The following KCNN2 variants were observed in gnomAD, a reference collection of about 807,000 sequenced individuals.
KCNN2 encodes potassium calcium-activated channel subfamily N member 2.
A neutral mutation model predicts 55.5 loss-of-function variants in KCNN2; 24 were observed. That is an observed-to-expected ratio of 0.43 (90% CI 0.31 to 0.61). The LOEUF (loss-of-function observed/expected upper bound fraction) is 0.61. Ranked by LOEUF, KCNN2 falls within the 20% of genes least tolerant of loss-of-function variation. KCNN2 has a pLI of 0.08. For synonymous variants in KCNN2, 431 were observed against 336.1 expected (o/e 1.28, Z -3.09); for missense variants, 754 against 853.6 (o/e 0.88, Z 1.45).
chr5:114,341,681 A>G (rs922144429), intron 2 of KCNN2, among the ~76,000 whole-genome samples: 14 of 152,194 alleles, frequency 9.2e-5, no homozygotes, highest in African/African-American at 3.4e-4. Flanking sequence ...TATGAAAAAT[A>G]AAAAAGACAT....
chr5:114,077,224 A>T (rs1750701490), intron 1 of KCNN2, among the ~76,000 whole-genome samples: 1 of 152,218 alleles, frequency 6.6e-6, no homozygotes, highest in African/African-American at 2.4e-5. Context: ...ACAGAGTTGT[A>T]AGCAGTTGGA....
chr5:114,272,039 G>C (rs1755349017), intron 2 of KCNN2, among the ~76,000 whole-genome samples: 1 of 152,054 alleles, frequency 6.6e-6, no homozygotes, highest in Non-Finnish European at 1.5e-5. Context: ...TTGTGCTTTT[G>C]AATAAAAATA....
At chr5:114,102,413 T>G (rs1426440980) in intron 1 of KCNN2, among the ~76,000 whole-genome samples, 1 of 152,216 alleles carries the variant, frequency 6.6e-6, no homozygotes, top group Non-Finnish European at 1.5e-5. Flanking sequence ...GATAGTTTCT[T>G]TTGCTGTGCA....
intron 1 of KCNN2, among the ~76,000 whole-genome samples, chr5:114,067,170 C>A (rs1389611354): frequency 6.6e-6 from 1 of 152,102 alleles, no homozygotes; most frequent in African/African-American, 2.4e-5. Flanking sequence ...CCACAGGGAC[C>A]AGATAATTGG....
chr5:114,194,448 A>C (rs559778763), intron 1 of KCNN2, among the ~76,000 whole-genome samples: 67 of 152,204 alleles, frequency 4.4e-4, no homozygotes, highest in African/African-American at 1.6e-3. Flanking sequence ...TCTGATGGCT[A>C]ATGATGTTGA....
At chr5:114,455,741 A>T (rs1191849155) in intron 3 of KCNN2, among the ~76,000 whole-genome samples, 1 of 152,244 alleles carries the variant, frequency 6.6e-6, no homozygotes, top group Non-Finnish European at 1.5e-5. Flanking sequence ...TGAACACATG[A>T]ATAATAGGAA....
chr5:114,125,533 T>TA (rs145698131), intron 1 of KCNN2, among the ~76,000 whole-genome samples: 26 of 152,138 alleles, frequency 1.7e-4, no homozygotes, highest in African/African-American at 5.1e-4. Flanking sequence ...TACAACTTCC[T>TA]AAAAAAAATC....
chr5:114,488,652 C>A (rs929306241), intron 6 of KCNN2, among the ~76,000 whole-genome samples: 1 of 152,094 alleles, frequency 6.6e-6, no homozygotes, highest in Non-Finnish European at 1.5e-5. Flanking sequence ...GCTGAGCTTT[C>A]GCCTCTGTGT....
At chr5:114,144,491 C>A (rs774072209) in intron 1 of KCNN2, among the ~76,000 whole-genome samples, 58 of 152,204 alleles carry the variant, frequency 3.8e-4, no homozygotes, top group Middle Eastern at 6.8e-3. Flanking sequence ...AAATAGTTTA[C>A]TCCTTTTAAG....
At chr5:114,192,860 C>T (rs994591727) in intron 1 of KCNN2, among the ~76,000 whole-genome samples, 38 of 152,048 alleles carry the variant, frequency 2.5e-4, no homozygotes, top group African/African-American at 9.2e-4. Flanking sequence ...TACTCTTTGC[C>T]CCCAGCCTTC....
intron 3 of KCNN2, among the ~76,000 whole-genome samples, chr5:114,409,978 A>G (rs752250739): frequency 6.6e-6 from 1 of 152,142 alleles, no homozygotes; most frequent in Non-Finnish European, 1.5e-5. Flanking sequence ...TCCCCAGACC[A>G]GACCACAGTA....
chr5:114,184,412 A>G (rs1483930373), intron 1 of KCNN2, among the ~76,000 whole-genome samples: 1 of 152,216 alleles, frequency 6.6e-6, no homozygotes, highest in Non-Finnish European at 1.5e-5. Context: ...AAAGATATGT[A>G]GAAAGAAAAA....
At chr5:114,088,310 A>C (rs965903683) in intron 1 of KCNN2, among the ~76,000 whole-genome samples, 88 of 150,588 alleles carry the variant, frequency 5.8e-4, no homozygotes, top group African/African-American at 2.1e-3. Flanking sequence ...TTTTTTCATC[A>C]TTTATTCTCA....
chr5:114,135,799 TAAG>T (rs1226100419), intron 1 of KCNN2, among the ~76,000 whole-genome samples: 5 of 152,116 alleles, frequency 3.3e-5, no homozygotes, highest in Non-Finnish European at 5.9e-5. Context: ...TTCTCAGAGA[TAAG>T]AAAAAATACT....
chr5:114,226,781 G>A (rs2112598721), intron 2 of KCNN2, among the ~76,000 whole-genome samples: 1 of 151,648 alleles, frequency 6.6e-6, no homozygotes, highest in South Asian at 2.1e-4. Context: ...GGCACCTGTA[G>A]TCCCAGCTAC....
chr5:114,184,157 C>T (rs74460701), intron 1 of KCNN2, among the ~76,000 whole-genome samples: 4,767 of 152,132 alleles, frequency 0.031, 254 homozygotes, highest in African/African-American at 0.11. Context: ...CTGTGAAAGG[C>T]GAAGAGCACA....
chr5:114,164,693 A>G (rs944778293), intron 1 of KCNN2, among the ~76,000 whole-genome samples: 4 of 152,188 alleles, frequency 2.6e-5, no homozygotes, highest in African/African-American at 7.2e-5. Context: ...GAGATTGCAA[A>G]TGCGCATTTT....
intron 1 of KCNN2, among the ~76,000 whole-genome samples, chr5:114,150,257 G>A (rs975657440): frequency 5.3e-5 from 8 of 152,204 alleles, no homozygotes; most frequent in African/African-American, 1.7e-4. Flanking sequence ...ATACTACAAG[G>A]CTACAGTAAC....
chr5:114,319,455 G>C (rs1756571872), intron 2 of KCNN2, among the ~76,000 whole-genome samples: 1 of 152,164 alleles, frequency 6.6e-6, no homozygotes. Flanking sequence ...ATTCATCATA[G>C]AAATGAACTC....
Sources: allele counts gnomAD v4.1 joint callset (sites outside exome capture counted in the v4.1 genomes callset), GRCh38; gene constraint gnomAD v4.1.1; transcripts MANE v1.5; gene names NCBI Gene and HGNC (gene_info 2026-07-23, HGNC 2026-07-21).